PRKG1: variants seen among roughly 807,000 people sequenced by gnomAD.
PRKG1 encodes cGMP-dependent protein kinase 1.
A neutral mutation model predicts 88.1 loss-of-function variants in PRKG1; 35 were observed. The observed-to-expected ratio is 0.40, with a 90% CI of 0.30 to 0.53. The LOEUF (loss-of-function observed/expected upper bound fraction) is 0.53, where lower values mean the gene tolerates loss of function less well. Among genes scored for constraint, PRKG1 ranks in the 20% least tolerant of loss-of-function variants. The probability of loss-of-function intolerance (pLI) is 0.59; values close to 1 mark genes in which losing one functional copy is unlikely to be tolerated. For synonymous variants in PRKG1, 303 were observed against 292.5 expected (o/e 1.04, Z -0.37); for missense variants, 540 against 839.8 (o/e 0.64, Z 4.41).
chr10:52,223,412 T>C lies in PRKG1; in HGVS notation c.1077-28158T>C, dbSNP rs370428000. Among the ~76,000 whole-genome samples the C allele has an allele frequency of 2.6e-4, 39 of 152,260 alleles. 1 individual carries two copies. The highest frequency in any genetic ancestry group is 2.1e-3 in the East Asian group (11 of 5,174). Reference sequence around the variant, plus strand: ...TCTTCACTTGGGTACTAGAACCCCATATTCTCCTAGTTTTCTTTCTTTCCC... The same window carrying C: ...TCTTCACTTGGGTACTAGAACCCCACATTCTCCTAGTTTTCTTTCTTTCCC... On this transcript the variant is annotated intron_variant, in intron 9 of 17. Transcript: ENST00000373980.
intron 1 of PRKG1, among the ~76,000 whole-genome samples, chr10:51,008,293 G>A (rs755424486): frequency 3.9e-5 from 6 of 152,112 alleles, no homozygotes; most frequent in Non-Finnish European, 7.4e-5. Flanking sequence ...TAGCTTTCTA[G>A]GTATATACTG....
intron 5 of PRKG1, among the ~76,000 whole-genome samples, chr10:51,948,973 A>C (rs1589448205): frequency 6.6e-6 from 1 of 152,190 alleles, no homozygotes; most frequent in South Asian, 2.1e-4. Flanking sequence ...CAATTATATA[A>C]TAATAAGACT....
intron 2 of PRKG1, among the ~76,000 whole-genome samples, chr10:51,323,367 A>C (rs1841503616): frequency 6.6e-6 from 1 of 152,204 alleles, no homozygotes; most frequent in Non-Finnish European, 1.5e-5. Flanking sequence ...TTAGTTATTA[A>C]ATAGTTCAAT....
intron 3 of PRKG1, among the ~76,000 whole-genome samples, chr10:51,475,319 T>G (rs1840159841): frequency 6.6e-6 from 1 of 151,932 alleles, no homozygotes; most frequent in South Asian, 2.1e-4. Flanking sequence ...TAGGCCCTCA[T>G]TAGAAATGCA....
chr10:51,767,339 C>T (rs113011221), intron 3 of PRKG1, among the ~76,000 whole-genome samples: 3,024 of 151,952 alleles, frequency 0.02, 107 homozygotes, highest in African/African-American at 0.069. Flanking sequence ...TTTACTCTCT[C>T]TCTCTCTCTC....
intron 5 of PRKG1, among the ~76,000 whole-genome samples, chr10:51,961,745 A>G (rs1843453150): frequency 6.6e-6 from 1 of 152,186 alleles, no homozygotes; most frequent in African/African-American, 2.4e-5. Context: ...ATTTCTGGTT[A>G]GCTTTGCTCA....
At chr10:51,138,576 A>G (rs1845742122) in intron 1 of PRKG1, among the ~76,000 whole-genome samples, 1 of 151,464 alleles carries the variant, frequency 6.6e-6, no homozygotes, top group Admixed American at 6.6e-5. Context: ...AATTCTTCTT[A>G]CTACAAATAT....
At chr10:51,721,212 TAAAAAAAAAAAAAAA>T (rs55873432) in intron 3 of PRKG1, among the ~76,000 whole-genome samples, 3 of 122,040 alleles carry the variant, frequency 2.5e-5, no homozygotes, top group Non-Finnish European at 3.4e-5. Context: ...CAAGACCTAT[TAAAAAAAAAAAAAAA>T]AAAAAGAAAA....
At chr10:51,128,872 G>A (rs1338685380) in intron 1 of PRKG1, among the ~76,000 whole-genome samples, 1 of 152,122 alleles carries the variant, frequency 6.6e-6, no homozygotes, top group Non-Finnish European at 1.5e-5. Flanking sequence ...TGGCAACAAA[G>A]ACGTTAATTC....
At chr10:51,239,365 T>A (rs377604958) in intron 2 of PRKG1, among the ~76,000 whole-genome samples, 1 of 152,344 alleles carries the variant, frequency 6.6e-6, no homozygotes, top group East Asian at 1.9e-4. Flanking sequence ...TCTCTGACCC[T>A]AAGTATCACA....
intron 4 of PRKG1, among the ~76,000 whole-genome samples, chr10:51,902,363 G>A (rs1841999424): frequency 6.6e-6 from 1 of 152,018 alleles, no homozygotes; most frequent in Non-Finnish European, 1.5e-5. Context: ...TGATCTGCCT[G>A]CCTAGGCCTC....
rs752250190 is a variant in PRKG1, at chr10:52,149,177, CGAT to C, written c.1002-12708_1002-12706del. On this transcript the variant is annotated intron_variant, in intron 8 of 17. Transcript: ENST00000373980. Reference sequence around the variant, plus strand: ...GGGTACTTCCTATGGCAGAAAAGTACGATGATAATGTCACTGCACTTGAAGTCC... The same window carrying C: ...GGGTACTTCCTATGGCAGAAAAGTACGATAATGTCACTGCACTTGAAGTCC... Among the ~76,000 whole-genome samples, 5 of 151,246 alleles carry C rather than the reference CGAT, an allele frequency of 3.3e-5. No homozygotes were observed. In the East Asian group the frequency reaches 7.9e-4, roughly 24 times the overall value.
chr10:51,437,170 G>T (rs765713606), intron 2 of PRKG1, among the ~76,000 whole-genome samples: 6 of 151,986 alleles, frequency 3.9e-5, no homozygotes, highest in Non-Finnish European at 5.9e-5. Context: ...TTAAATTAAT[G>T]TAGTAGTGTG....
intron 1 of PRKG1, among the ~76,000 whole-genome samples, chr10:51,045,614 AG>A (rs1396429682): frequency 6.6e-5 from 10 of 152,308 alleles, no homozygotes; most frequent in Middle Eastern, 3.4e-3. Context: ...ACCATTGCAA[AG>A]GAACTATTTT....
intron 3 of PRKG1, among the ~76,000 whole-genome samples, chr10:51,498,306 A>G (rs1399405486): frequency 6.6e-6 from 1 of 152,218 alleles, no homozygotes; most frequent in African/African-American, 2.4e-5. Flanking sequence ...TTTTAGAAAT[A>G]ATCACAGAAA....
chr10:51,552,683 A>G (rs1392826852), intron 3 of PRKG1, among the ~76,000 whole-genome samples: 1 of 151,672 alleles, frequency 6.6e-6, no homozygotes, highest in African/African-American at 2.4e-5. Context: ...TTTTCATTCA[A>G]TGGCAGTCAT....
At chr10:51,016,673 C>CTTTTTTTTTTTTTTTTTTTT in intron 1 of PRKG1, among the ~76,000 whole-genome samples, 799 of 35,134 alleles carry the variant, frequency 0.023, 251 homozygotes, top group Non-Finnish European at 0.026. Context: ...ATTATCCTTT[C>CTTTTTTTTTTTTTTTTTTTT]TTTTTTTTTT....
In PRKG1 at chr10:50,991,633, C is replaced by A. The variant is rs1211708006; in HGVS notation, c.255C>A (p.Thr85=). 1.3e-6 allele frequency: 2 copies of A among 1,534,746 alleles called. No individual in the cohort carries two copies. The highest frequency in any genetic ancestry group is 1.8e-6 in the Non-Finnish European group (2 of 1,141,020). The change falls in exon 1 of 18, where the codon ACC becomes ACA. Residue 85 remains threonine (T), a synonymous_variant. Transcript: ENST00000401604. This position sits in a 1 kb window ranked among gnomAD's most constrained non-coding sequence, Gnocchi z 4.5. ...TCCGACAGGCATTCCGGAAGTTCAC[C>A]AAGTCCGAAAGGTAGGCGCGGAGGC...
At chr10:51,134,751 G>A (rs528733227) in intron 1 of PRKG1, among the ~76,000 whole-genome samples, 25 of 151,968 alleles carry the variant, frequency 1.6e-4, no homozygotes, top group Non-Finnish European at 3.1e-4. Flanking sequence ...AAACTACACC[G>A]TGGTCTAATT....
Sources: gnomAD v4.1 joint callset for allele counts (sites outside exome capture counted in the v4.1 genomes callset) on GRCh38, gnomAD v4.1.1 for gene constraint, Gnocchi (gnomAD v3.1) non-coding constraint, MANE v1.5 for transcripts, NCBI Gene and HGNC (gene_info 2026-07-23, HGNC 2026-07-21) for gene names.